Variants in EPB41L2 observed in about 807,000 individuals in gnomAD.
EPB41L2 encodes the protein band 4.1-like protein 2.
Under a neutral mutation model 113.0 loss-of-function variants are expected in EPB41L2, and 43 were observed. That is an observed-to-expected ratio of 0.38 (90% confidence interval 0.30 to 0.49). The LOEUF is 0.49. Among genes scored for constraint, EPB41L2 ranks in the 20% least tolerant of loss-of-function variants. The probability of loss-of-function intolerance (pLI) is 0.95; values close to 1 mark genes in which losing one functional copy is unlikely to be tolerated. For missense variants in EPB41L2, 1,147 were observed against 1,223.4 expected, an observed-to-expected ratio of 0.94 and a Z score of 0.93; for synonymous variants, 442 against 436.7, an observed-to-expected ratio of 1.01 and a Z score of -0.15.
At chr6:130,912,206 G>A (rs867213913) in intron 4 of EPB41L2, among the ~76,000 whole-genome samples, 5 of 152,048 alleles carry the variant, frequency 3.3e-5, no homozygotes, top group South Asian at 2.1e-4. Flanking sequence ...CCACAAAACC[G>A]GTCCCTGTTG....
chr6:130,841,545 T>C (rs1007643987), intron 19 of EPB41L2, among the ~76,000 whole-genome samples: 1 of 152,180 alleles, frequency 6.6e-6, no homozygotes, highest in Non-Finnish European at 1.5e-5. Flanking sequence ...GGAGTCCAGC[T>C]GGATGAGGAA....
At chr6:130,929,294 T>C (rs1463613343) in intron 3 of EPB41L2, among the ~76,000 whole-genome samples, 1 of 152,224 alleles carries the variant, frequency 6.6e-6, no homozygotes, top group African/African-American at 2.4e-5. Flanking sequence ...GAGGAAATGA[T>C]TTTTTGAGGT....
At chr6:130,975,215 T>C (rs1777933447) in intron 1 of EPB41L2, among the ~76,000 whole-genome samples, 1 of 152,232 alleles carries the variant, frequency 6.6e-6, no homozygotes, top group Non-Finnish European at 1.5e-5. Context: ...CTATTACATG[T>C]ATTTTGAGAA....
At chr6:130,945,431 T>C (rs767722395) in intron 3 of EPB41L2, among the ~76,000 whole-genome samples, 3 of 152,198 alleles carry the variant, frequency 2.0e-5, no homozygotes, top group Non-Finnish European at 2.9e-5. Context: ...GTTAGCCTTA[T>C]TCATAACTAA....
At chr6:131,062,606 C>A (rs1052693971) in intron 1 of EPB41L2, 1 of 151,518 alleles carries the variant, frequency 6.6e-6, no homozygotes, top group South Asian at 2.1e-4. Flanking sequence ...CGCCCGGCTT[C>A]CCGCAGTCCC....
intron 15 of EPB41L2, chr6:130,867,870 CTAAATTATGTTACTCTT>C (rs2128443617): frequency 2.8e-6 from 1 of 355,952 alleles, no homozygotes; most frequent in South Asian, 2.4e-5. Flanking sequence ...TGATGGCTTC[CTAAATTATGTTACTCTT>C]TAAATTAAGA....
intron 3 of EPB41L2, among the ~76,000 whole-genome samples, chr6:130,950,896 T>C (rs2128608899): frequency 1.3e-5 from 2 of 152,298 alleles, no homozygotes; most frequent in South Asian, 4.1e-4. Flanking sequence ...TCCTCTTAGT[T>C]GATGCAAAAA....
Position 130,870,821 on chromosome 6 carries a change from TA to T in EPB41L2, c.2044-696del, listed in dbSNP as rs554695255. On this transcript the variant is annotated intron_variant, in intron 14 of 19. Coordinates refer to ENST00000337057, the MANE Select transcript of EPB41L2 (RefSeq NM_001431.4). ...ACTTTTATTTTTTGCTGGTTTTCTT[TA>T]AAAAAAAAAAAAAAGTTTTAATTGG... Among the ~76,000 whole-genome samples the T allele has an allele frequency of 9.9e-3, 1,393 of 140,410 alleles. 11 individuals are homozygous for T. The highest frequency in any genetic ancestry group is 0.022 in the African/African-American group (868 of 38,752). The allele number at this position is 140,410 out of a possible 152,430, so 92.1% of individuals were successfully genotyped here. A position where few individuals can be genotyped will look rare whatever the true frequency, so the allele number is the denominator to read the frequency against.
chr6:130,870,417 A>G (rs1785261384), intron 14 of EPB41L2: 1 of 1,549,418 alleles, frequency 6.5e-7, no homozygotes, highest in African/African-American at 1.4e-5. Context: ...CACAAAATCA[A>G]TACAGTTTTA....
At chr6:131,053,863 C>T (rs934153153) in intron 1 of EPB41L2, among the ~76,000 whole-genome samples, 1 of 152,212 alleles carries the variant, frequency 6.6e-6, no homozygotes, top group Non-Finnish European at 1.5e-5. Context: ...TTGAGAAAGG[C>T]AACTACAGGC....
intron 16 of EPB41L2, among the ~76,000 whole-genome samples, chr6:130,866,470 T>G (rs1028027755): frequency 4.8e-4 from 73 of 152,310 alleles, no homozygotes; most frequent in Admixed American, 1.8e-3. Context: ...CATGCACCTG[T>G]ATGTCTTCAT....
At chr6:130,951,041 A>T (rs2128609184) in intron 3 of EPB41L2, among the ~76,000 whole-genome samples, 1 of 152,142 alleles carries the variant, frequency 6.6e-6, no homozygotes, top group East Asian at 1.9e-4. Context: ...ACATAAAAAG[A>T]TGGTGAGGAG....
At chr6:130,940,273 G>C (rs1430908004) in intron 3 of EPB41L2, among the ~76,000 whole-genome samples, 1 of 152,106 alleles carries the variant, frequency 6.6e-6, no homozygotes. Flanking sequence ...GTAAAGCCAG[G>C]AAAGTGGTTT....
intron 1 of EPB41L2, among the ~76,000 whole-genome samples, chr6:130,983,487 C>T (rs949041576): frequency 1.1e-4 from 16 of 151,240 alleles, no homozygotes; most frequent in Non-Finnish European, 2.1e-4. Flanking sequence ...ATTTTTACGG[C>T]ATGTTACTAT....
At chr6:130,944,207 A>ACACACACACACACACACAC (rs1378126473) in intron 3 of EPB41L2, among the ~76,000 whole-genome samples, 2 of 150,954 alleles carry the variant, frequency 1.3e-5, no homozygotes, top group Non-Finnish European at 3.0e-5. Flanking sequence ...ACACACACAC[A>ACACACACACACACACACAC]AATGCCCAAA....
chr6:131,039,780 G>A (rs1216024625), intron 1 of EPB41L2, among the ~76,000 whole-genome samples: 3 of 150,870 alleles, frequency 2.0e-5, no homozygotes, highest in Non-Finnish European at 4.4e-5. Context: ...GTAATTGACT[G>A]AAACACTGAA....
At chr6:130,991,056 C>T (rs73623436) in intron 1 of EPB41L2, among the ~76,000 whole-genome samples, 6,251 of 152,122 alleles carry the variant, frequency 0.041, 443 homozygotes, top group African/African-American at 0.14. Context: ...GTCTCAATCT[C>T]GTAACCTCGT....
At chr6:130,925,779 G>A (rs965702510) in intron 4 of EPB41L2, among the ~76,000 whole-genome samples, 11 of 152,060 alleles carry the variant, frequency 7.2e-5, no homozygotes, top group Non-Finnish European at 1.0e-4. Context: ...GTGCTATTAC[G>A]TCTGAAAACA....
chr6:130,995,337 A>AAC (rs1458852157), intron 1 of EPB41L2, among the ~76,000 whole-genome samples: 3 of 151,272 alleles, frequency 2.0e-5, no homozygotes, highest in East Asian at 2.0e-4. Context: ...TCCGTCTCAA[A>AAC]AAAACAAACA....
Sources: allele counts gnomAD v4.1 joint callset (sites outside exome capture counted in the v4.1 genomes callset), GRCh38; gene constraint gnomAD v4.1.1; transcripts MANE v1.5; gene names NCBI Gene and HGNC (gene_info 2026-07-23, HGNC 2026-07-21).